The following TAOK1 variants were observed in gnomAD, a reference collection of about 807,000 sequenced individuals.
TAOK1 encodes serine/threonine-protein kinase TAO1.
TAOK1 carries 21 observed loss-of-function variants against 138.3 expected under a neutral mutation model. The ratio of observed to expected loss-of-function variants is 0.15; its 90% CI spans 0.11 to 0.22. The LOEUF is 0.22. TAOK1 is among the 10% of genes least tolerant of loss of function. The pLI, the probability that TAOK1 is intolerant of heterozygous loss-of-function variation, is 1.00. For missense variants in TAOK1, 651 were observed against 1,227.7 expected, an observed-to-expected ratio of 0.53 and a Z score of 7.02; for synonymous variants, 361 against 398.4, an observed-to-expected ratio of 0.91 and a Z score of 1.12.
chr17:29,517,130 G>T (rs1357025309), intron 15 of TAOK1, among the ~76,000 whole-genome samples: 1 of 152,064 alleles, frequency 6.6e-6, no homozygotes. Context: ...GGGACTACGG[G>T]CACCCGCCAC....
Position 29,497,228 on chromosome 17 carries a change from T to C in TAOK1, c.1000-1090T>C, listed in dbSNP as rs144224407. The stretch of plus-strand genomic sequence containing the variant: ...ACCACTTTGTATTCTGAAACCGTGC[T>C]CAATACTTTCTTTTCTCTTTTTAAT... On this transcript the variant is annotated intron_variant, in intron 11 of 19. Transcript: ENST00000261716. 3.3e-5 allele frequency among the ~76,000 whole-genome samples: 5 copies of C among 152,246 alleles called. No homozygotes were observed. The East Asian group carries it at 7.7e-4, about 24-fold the overall frequency.
At position 29,543,260 on chromosome 17, in the gene TAOK1, AAAAT is replaced by A; in HGVS notation, c.*243_*246del. ...ATTTTGAAAAGTGGAGTTGATATTA[AAAAT>A]AAATGTGTATGTGTGTACATATATA... On this transcript the variant is annotated 3_prime_UTR_variant, in exon 20 of 20. Coordinates refer to ENST00000261716, the MANE Select transcript of TAOK1 (RefSeq NM_020791.4). 2.5e-6 allele frequency: 1 copy of A among 399,440 alleles called. No homozygotes were observed. Among genetic ancestry groups the A allele is most frequent in the Non-Finnish European group, 4.6e-6 (1 of 219,334 alleles). The allele number at this position is 399,440 out of a possible 1,614,324, so 24.7% of individuals were successfully genotyped here.
chr17:29,513,073 T>C (rs1224747662), intron 15 of TAOK1: 1 of 96,702 alleles, frequency 1.0e-5, no homozygotes, highest in Non-Finnish European at 2.0e-5. Flanking sequence ...CCCCCCGTCT[T>C]ATAGGATGAT....
At chr17:29,392,986 A>C (rs1904476432) in intron 1 of TAOK1, among the ~76,000 whole-genome samples, 1 of 152,136 alleles carries the variant, frequency 6.6e-6, no homozygotes, top group South Asian at 2.1e-4. Flanking sequence ...ATGTTAAATA[A>C]GTTTTATTTT....
intron 17 of TAOK1, among the ~76,000 whole-genome samples, chr17:29,526,819 TAAAAAAAAA>T (rs71138830): frequency 5.1e-4 from 26 of 50,950 alleles, no homozygotes; most frequent in South Asian, 7.4e-4. Context: ...TCTCATCTCT[TAAAAAAAAA>T]AAAAAAAAAA....
intron 1 of TAOK1, among the ~76,000 whole-genome samples, chr17:29,400,143 C>A (rs1052141031): frequency 3.3e-5 from 5 of 152,090 alleles, no homozygotes; most frequent in African/African-American, 1.2e-4. Context: ...CCTGTAATCT[C>A]AGCACTTTGG....
rs1439509128 is a variant in TAOK1 at position 29,489,655 on chromosome 17, C to A, written c.656-9C>A. ...CTATTTTAACAGGAATGTTTCCTTT[C>A]TTTTACAGCGGAAAGGAAGCCTCCT... is the stretch of plus-strand genomic sequence containing the variant. On this transcript the variant is annotated splice_polypyrimidine_tract_variant and intron_variant, in intron 8 of 19. Coordinates refer to ENST00000261716, the MANE Select transcript of TAOK1 (RefSeq NM_020791.4). 1.3e-6 allele frequency: 2 copies of A among 1,596,730 alleles called. No individual in the cohort carries two copies. Among genetic ancestry groups the A allele is most frequent in the East Asian group, 2.3e-5 (1 of 44,238 alleles).
intron 18 of TAOK1, among the ~76,000 whole-genome samples, chr17:29,531,532 G>C (rs1326342356): frequency 2.0e-5 from 3 of 151,860 alleles, no homozygotes; most frequent in Admixed American, 1.3e-4. Flanking sequence ...GAAAGCCTAG[G>C]CGGGTGGATC....
At chr17:29,461,426 GA>G (rs1662904585) in intron 2 of TAOK1, among the ~76,000 whole-genome samples, 2 of 152,118 alleles carry the variant, frequency 1.3e-5, no homozygotes, top group Admixed American at 1.3e-4. Flanking sequence ...TATTTAGATA[GA>G]AAATCTCAAA....
intron 1 of TAOK1, among the ~76,000 whole-genome samples, chr17:29,433,125 T>G (rs1568373): frequency 0.62 from 94,274 of 151,816 alleles, 30,475 homozygotes; most frequent in East Asian, 0.97. Flanking sequence ...AGTTTGAGTC[T>G]CAGTTATAGG....
At chr17:29,538,437 T>C (rs968091863) in intron 19 of TAOK1, among the ~76,000 whole-genome samples, 11 of 152,220 alleles carry the variant, frequency 7.2e-5, no homozygotes, top group African/African-American at 2.7e-4. Flanking sequence ...ACTTGGTTTT[T>C]ATGGCTAATA....
intron 1 of TAOK1, among the ~76,000 whole-genome samples, chr17:29,441,577 A>G (rs931784900): frequency 1.3e-5 from 2 of 152,058 alleles, no homozygotes; most frequent in Non-Finnish European, 2.9e-5. Context: ...TTATTCTCAT[A>G]TCCTTTTTAT....
chr17:29,432,338 C>T (rs981473996), intron 1 of TAOK1, among the ~76,000 whole-genome samples: 6 of 152,200 alleles, frequency 3.9e-5, no homozygotes, highest in Non-Finnish European at 8.8e-5. Flanking sequence ...GGCTTAGGAC[C>T]GCCTTAAGCA....
intron 14 of TAOK1, among the ~76,000 whole-genome samples, chr17:29,509,815 G>C (rs976015412): frequency 6.6e-6 from 1 of 151,822 alleles, no homozygotes; most frequent in Non-Finnish European, 1.5e-5. Context: ...AAGATCACTT[G>C]AGCTCAGGAG....
At chr17:29,421,282 T>C (rs900266615) in intron 1 of TAOK1, among the ~76,000 whole-genome samples, 1 of 152,246 alleles carries the variant, frequency 6.6e-6, no homozygotes, top group African/African-American at 2.4e-5. Context: ...TTTTTACTCC[T>C]GAGAGGAATC....
intron 13 of TAOK1, among the ~76,000 whole-genome samples, chr17:29,506,355 A>G (rs1449811765): frequency 6.6e-6 from 1 of 152,218 alleles, no homozygotes; most frequent in African/African-American, 2.4e-5. Flanking sequence ...GAAATAAGGC[A>G]AGCACAGAAA....
Position 29,517,485 on chromosome 17 carries a change from A to G in TAOK1, c.1737A>G (p.Lys579=). ...ELNENQSTPK[K]EKQEWLSKQK... is the part of the protein sequence containing the mutation. ...ATGAAAACCAGAGTACCCCCAAAAA[A>G]GAAAAACAGGAGTGGCTTTCAAAGC... The change falls in exon 16 of 20, where the codon AAA becomes AAG. Residue 579 remains lysine, a synonymous_variant. Coordinates refer to ENST00000261716, the MANE Select transcript of TAOK1 (RefSeq NM_020791.4). The G allele has an allele frequency of 6.2e-7, 1 of 1,613,990 alleles. No homozygotes were observed. The highest frequency in any genetic ancestry group is 1.6e-4 in the Middle Eastern group (1 of 6,062).
chr17:29,518,764 T>C (rs550841081), intron 16 of TAOK1, among the ~76,000 whole-genome samples: 27 of 147,212 alleles, frequency 1.8e-4, no homozygotes, highest in East Asian at 1.2e-3. Flanking sequence ...ATCTATTTAT[T>C]TATTTATTTA....
intron 12 of TAOK1, among the ~76,000 whole-genome samples, chr17:29,502,131 T>C (rs2031541668): frequency 6.6e-6 from 1 of 152,354 alleles, no homozygotes; most frequent in Non-Finnish European, 1.5e-5. Flanking sequence ...AAATAATTTC[T>C]TCTAATTATA....
Sources: allele counts gnomAD v4.1 joint callset (sites outside exome capture counted in the v4.1 genomes callset), GRCh38; gene constraint gnomAD v4.1.1; transcripts MANE v1.5; gene names NCBI Gene and HGNC (gene_info 2026-07-23, HGNC 2026-07-21).